The following ITGA1 variants were observed in gnomAD, a reference collection of about 807,000 sequenced individuals.
ITGA1 encodes the protein integrin subunit alpha 1, also known as integrin alpha-1.
ITGA1 carries 85 observed loss-of-function variants against 145.9 expected under a neutral mutation model. The ratio of observed to expected loss-of-function variants is 0.58; its 90% confidence interval spans 0.49 to 0.70. ITGA1 has a LOEUF of 0.70. Ranked by LOEUF, ITGA1 falls within the 30% of genes least tolerant of loss-of-function variation. The probability of loss-of-function intolerance (pLI) is 0.00; values close to 1 mark genes in which losing one functional copy is unlikely to be tolerated. For missense variants in ITGA1, 1,351 were observed against 1,418.7 expected (o/e 0.95, Z 0.77); for synonymous variants, 520 against 495.3 (o/e 1.05, Z -0.66).
intron 1 of ITGA1, among the ~76,000 whole-genome samples, chr5:52,790,798 T>A (rs1748222635): frequency 1.3e-5 from 2 of 152,230 alleles, no homozygotes; most frequent in Admixed American, 1.3e-4. Flanking sequence ...AGGCATTAGG[T>A]CATGGATATC....
chr5:52,918,971 T>G (rs1750690760), intron 16 of ITGA1, 73 bp downstream of exon 16: 2 of 1,256,958 alleles, frequency 1.6e-6, no homozygotes, highest in African/African-American at 3.0e-5. Context: ...TGAAGTCCAG[T>G]AGGATATTGT....
chr5:52,845,560 T>C (rs1012595018), intron 1 of ITGA1, among the ~76,000 whole-genome samples: 7 of 152,098 alleles, frequency 4.6e-5, no homozygotes, highest in African/African-American at 1.2e-4. Context: ...ACAAAATAAT[T>C]GGTGGTGATG....
intron 7 of ITGA1, among the ~76,000 whole-genome samples, chr5:52,884,383 G>T (rs1750013647): frequency 6.6e-6 from 1 of 151,562 alleles, no homozygotes; most frequent in African/African-American, 2.4e-5. Context: ...GGAGGCGGAG[G>T]TTGCAGTGAG....
chr5:52,814,980 A>G (rs13158244), intron 1 of ITGA1, among the ~76,000 whole-genome samples: 46,997 of 151,962 alleles, frequency 0.31, 8,339 homozygotes, highest in East Asian at 0.47. Context: ...TTGGTTCTAG[A>G]ATGAAATGGA....
Position 52,838,972 on chromosome 5 carries a change from C to T in ITGA1, c.62-10393C>T, listed in dbSNP as rs114838084. ...ATTAACCAGGCATGGTGGCATGTGCCTCTGGTCTTAGCTACTTGGGAGGCT... is the reference window on the plus strand; with the variant it reads ...ATTAACCAGGCATGGTGGCATGTGCTTCTGGTCTTAGCTACTTGGGAGGCT... On this transcript the variant is annotated intron_variant, in intron 1 of 28. Coordinates refer to ENST00000282588, the MANE Select transcript of ITGA1 (RefSeq NM_181501.2). Among the ~76,000 whole-genome samples the T allele has an allele frequency of 3.3e-3, 498 of 152,182 alleles. 6 individuals are homozygous for T. Among genetic ancestry groups the T allele is most frequent in the African/African-American group, 0.012 (482 of 41,518 alleles).
chr5:52,910,961 CTA>C (rs1750503990), intron 14 of ITGA1, among the ~76,000 whole-genome samples: 1 of 131,074 alleles, frequency 7.6e-6, no homozygotes, highest in East Asian at 2.4e-4. Flanking sequence ...AGTATATACA[CTA>C]TATATACTAT....
intron 24 of ITGA1, 34 bp downstream of exon 24, chr5:52,937,548 C>T: frequency 7.9e-7 from 1 of 1,261,182 alleles, no homozygotes; most frequent in Non-Finnish European, 1.2e-6. Flanking sequence ...TATGTCATTA[C>T]TGTTATCTTT....
intron 6 of ITGA1, among the ~76,000 whole-genome samples, chr5:52,880,096 G>A (rs1364539834): frequency 2.0e-5 from 3 of 152,160 alleles, no homozygotes; most frequent in Non-Finnish European, 2.9e-5. Context: ...AAGCTAGCAG[G>A]TTGAGGTGAC....
chr5:52,813,981 G>A (rs1748724096), intron 1 of ITGA1, among the ~76,000 whole-genome samples: 1 of 152,176 alleles, frequency 6.6e-6, no homozygotes, highest in Admixed American at 6.5e-5. Context: ...GACTGGCATT[G>A]TTCAAATCCC....
Position 52,788,288 on chromosome 5 carries a change from C to G in ITGA1, c.-66C>G, listed in dbSNP as rs1748163955. 1 of 1,283,140 alleles carries G rather than the reference C, an allele frequency of 7.8e-7. No individual in the cohort carries two copies. 79.5% of individuals were successfully genotyped at this position (1,283,140 alleles called of 1,614,324 possible). The stretch of plus-strand genomic sequence containing the variant: ...GGATAAGTGGCCCAGCCAGAGAGCG[C>G]AGCTCCCGCGCCCGGTCCTGCCCTG... On this transcript the variant is annotated 5_prime_UTR_variant, in exon 1 of 29. Transcript: ENST00000282588.
At chr5:52,919,995 TAAAAA>T (rs936029650) in intron 16 of ITGA1, among the ~76,000 whole-genome samples, 2 of 152,154 alleles carry the variant, frequency 1.3e-5, no homozygotes, top group African/African-American at 4.8e-5. Flanking sequence ...TTTCTAAACT[TAAAAA>T]GAATGTTTTA....
chr5:52,829,368 A>G (rs1749020536), intron 1 of ITGA1, among the ~76,000 whole-genome samples: 1 of 152,194 alleles, frequency 6.6e-6, no homozygotes, highest in African/African-American at 2.4e-5. Flanking sequence ...TTACCAAAAA[A>G]AAGTAATAAT....
chr5:52,932,326 C>T (rs1750904874), intron 22 of ITGA1, 190 bp downstream of exon 22: 3 of 538,358 alleles, frequency 5.6e-6, no homozygotes, highest in Admixed American at 3.4e-5. Context: ...AGGTAATTCT[C>T]ATGCATCCTA....
At chr5:52,949,527 T>A (rs934401701) in intron 28 of ITGA1, among the ~76,000 whole-genome samples, 1 of 152,146 alleles carries the variant, frequency 6.6e-6, no homozygotes, top group Admixed American at 6.5e-5. Flanking sequence ...CTCCCATGAT[T>A]ACTAGCTAGT....
intron 1 of ITGA1, among the ~76,000 whole-genome samples, chr5:52,839,003 G>A (rs1749208808): frequency 6.6e-6 from 1 of 152,086 alleles, no homozygotes; most frequent in Non-Finnish European, 1.5e-5. Flanking sequence ...AGGCTGAGGT[G>A]GAAGAATCAC....
At chr5:52,863,821 C>A (rs1166811263) in intron 3 of ITGA1, among the ~76,000 whole-genome samples, 1 of 152,172 alleles carries the variant, frequency 6.6e-6, no homozygotes, top group Non-Finnish European at 1.5e-5. Flanking sequence ...GTATATAAAA[C>A]TCTAATCCAG....
intron 17 of ITGA1, among the ~76,000 whole-genome samples, chr5:52,922,156 C>G (rs1289277398): frequency 6.6e-6 from 1 of 151,006 alleles, no homozygotes; most frequent in Admixed American, 6.6e-5. Context: ...CAAAAATTAG[C>G]TGGGTGTGGT....
chr5:52,885,766 T>C (rs1750036625), intron 7 of ITGA1, among the ~76,000 whole-genome samples: 1 of 152,186 alleles, frequency 6.6e-6, no homozygotes, highest in Non-Finnish European at 1.5e-5. Context: ...GGCATTTACC[T>C]TATTTGGGTA....
intron 11 of ITGA1, chr5:52,902,702 T>C (rs1449069389): frequency 6.6e-6 from 1 of 152,194 alleles, no homozygotes; most frequent in Non-Finnish European, 1.5e-5. Flanking sequence ...GCCTCCTGAG[T>C]AACTGGGATT....
Sources: allele counts gnomAD v4.1 joint callset (sites outside exome capture counted in the v4.1 genomes callset), GRCh38; gene constraint gnomAD v4.1.1; transcripts MANE v1.5; gene names NCBI Gene and HGNC (gene_info 2026-07-23, HGNC 2026-07-21).